The following SPEN variants were observed in gnomAD, a reference collection of about 807,000 sequenced individuals.
SPEN encodes msx2-interacting protein.
SPEN carries 18 observed loss-of-function variants against 269.9 expected under a neutral mutation model. The ratio of observed to expected loss-of-function variants is 0.07; its 90% confidence interval spans 0.05 to 0.10. The LOEUF is 0.10. SPEN is among the 10% of genes least tolerant of loss of function. The pLI is 1.00. For missense variants in SPEN, 3,822 were observed against 4,631.2 expected (o/e 0.83, Z 5.07); for synonymous variants, 1,726 against 1,765.7 (o/e 0.98, Z 0.56).
At chr1:15,864,816 A>G (rs1480094048) in intron 1 of SPEN, among the ~76,000 whole-genome samples, 3 of 150,504 alleles carry the variant, frequency 2.0e-5, no homozygotes, top group Non-Finnish European at 3.0e-5. Context: ...AGCTAGGACT[A>G]CTACTAAGTG....
chr1:15,897,396 CT>C (rs1452471414), intron 3 of SPEN, among the ~76,000 whole-genome samples: 3 of 149,110 alleles, frequency 2.0e-5, no homozygotes, highest in Non-Finnish European at 4.4e-5. Flanking sequence ...GAGTTTCGCT[CT>C]TGTTGCCCAG....
Position 15,929,195 on chromosome 1 carries a change from A to G in SPEN, c.2955A>G (p.Lys985=), listed in dbSNP as rs1278865400. ...AVDLEKLEAR[K]RRFADSNLKA... is the part of the protein sequence containing the mutation. The stretch of plus-strand genomic sequence containing the variant: ...ATCTGGAGAAGCTGGAAGCCAGGAA[A>G]AGGCGCTTTGCAGATTCCAATTTAA... The change falls in exon 11 of 15, where the codon AAA becomes AAG. Residue 985 remains lysine, a synonymous_variant. Transcript: ENST00000375759. This position sits in a 1 kb window ranked among gnomAD's most constrained non-coding sequence, Gnocchi z 5.8. The G allele has an allele frequency of 6.2e-7, 1 of 1,614,218 alleles. No homozygotes were observed. The highest frequency in any genetic ancestry group is 8.5e-7 in the Non-Finnish European group (1 of 1,180,038).
chr1:15,877,190 T>C (rs1352541633), intron 3 of SPEN, among the ~76,000 whole-genome samples: 3 of 152,184 alleles, frequency 2.0e-5, no homozygotes, highest in Non-Finnish European at 4.4e-5. Flanking sequence ...TAAACTCAAG[T>C]AGAAAAGCTT....
intron 1 of SPEN, among the ~76,000 whole-genome samples, chr1:15,862,036 C>T (rs976974894): frequency 6.6e-5 from 10 of 151,948 alleles, no homozygotes; most frequent in African/African-American, 9.7e-5. Flanking sequence ...AGTGAGACTC[C>T]GTCTCAAAAA....
At chr1:15,865,650 T>A (rs527524485) in intron 1 of SPEN, among the ~76,000 whole-genome samples, 1 of 152,088 alleles carries the variant, frequency 6.6e-6, no homozygotes, top group South Asian at 2.1e-4. Context: ...GGTCTCAAAC[T>A]CCTCACCTCA....
rs1485197886 is a variant in SPEN, at chr1:15,848,206, C to T, written c.83+56C>T. Reference sequence around the variant, plus strand: ...GCTCCTCGGGCGCCGCTTCCCGCCCCGGCCCGTTGCCGGCCCCTCCCGGAG... The same window carrying T: ...GCTCCTCGGGCGCCGCTTCCCGCCCTGGCCCGTTGCCGGCCCCTCCCGGAG... On this transcript the variant is annotated intron_variant, in intron 1 of 14. Transcript: ENST00000375759. The surrounding 1 kb of genome is among the most constrained non-coding windows in gnomAD (Gnocchi z 5.1). 45 of 1,291,108 alleles carry T rather than the reference C, an allele frequency of 3.5e-5. No homozygotes were observed. The highest frequency in any genetic ancestry group is 4.5e-5 in the Non-Finnish European group (43 of 961,044). 80.0% of individuals were successfully genotyped at this position (1,291,108 alleles called of 1,614,324 possible).
Position 15,932,681 on chromosome 1 carries a change from A to C in SPEN, c.6441A>C (p.Glu2147Asp), listed in dbSNP as rs941061063. Reference sequence around the variant, plus strand: ...GTGATCCAGTTGATCCAGACAAGGAACCAGAGAAAGAAGACGTGTCTGCCT... The same window carrying C: ...GTGATCCAGTTGATCCAGACAAGGACCCAGAGAAAGAAGACGTGTCTGCCT... ...LKSDPVDPDKEPEKEDVSASG... is the reference protein window; with the variant it reads ...LKSDPVDPDKDPEKEDVSASG... Residue 2147 changes from glutamate (E) to aspartate (D), a missense_variant, in exon 11 of 15, where the codon GAA (glutamate) becomes GAC (aspartate). Glu to Asp is a conservative substitution (Grantham distance 45). Around this residue, in one of 16 missense-constraint regions of SPEN, gnomAD observed 727 missense variants for 737.9 expected, o/e 0.99. Transcript: ENST00000375759. This position sits in a 1 kb window ranked among gnomAD's most constrained non-coding sequence, Gnocchi z 4.2. The C allele has an allele frequency of 1.9e-6, 3 of 1,614,132 alleles. No homozygotes were observed. Among genetic ancestry groups the C allele is most frequent in the South Asian group, 1.1e-5 (1 of 91,088 alleles).
Position 15,848,273 on chromosome 1 carries a change from G to A in SPEN, c.83+123G>A. On this transcript the variant is annotated intron_variant, in intron 1 of 14. Coordinates refer to ENST00000375759, the MANE Select transcript of SPEN (RefSeq NM_015001.3). This position sits in a 1 kb window ranked among gnomAD's most constrained non-coding sequence, Gnocchi z 5.1. The stretch of plus-strand genomic sequence containing the variant: ...AGGACTCCGGCCCGGACCCACGGGC[G>A]CTGTGGGACCTCGTCAGCCGCTCGG... 2 of 531,390 alleles carry A rather than the reference G, an allele frequency of 3.8e-6. No homozygotes were observed. Among genetic ancestry groups the A allele is most frequent in the East Asian group, 4.1e-5 (1 of 24,348 alleles). The allele number at this position is 531,390 out of a possible 1,614,324, so 32.9% of individuals were successfully genotyped here. A position where few individuals can be genotyped will look rare whatever the true frequency, so the allele number is the denominator to read the frequency against.
At chr1:15,855,450 G>A (rs2070376637) in intron 1 of SPEN, among the ~76,000 whole-genome samples, 1 of 151,740 alleles carries the variant, frequency 6.6e-6, no homozygotes, top group African/African-American at 2.4e-5. Flanking sequence ...TGGGGCTTAT[G>A]TACTCAAAAA....
chr1:15,913,317 T>G (rs1372758253), intron 5 of SPEN, among the ~76,000 whole-genome samples: 1 of 152,186 alleles, frequency 6.6e-6, no homozygotes, highest in Non-Finnish European at 1.5e-5. Flanking sequence ...CAAGAAGTTT[T>G]TTCCCAAAGG....
At chr1:15,873,363 T>C in intron 2 of SPEN, 1 of 1,236,510 alleles carries the variant, frequency 8.1e-7, no homozygotes, top group Non-Finnish European at 1.0e-6. Context: ...TATAATGTGA[T>C]GGAAGATTTC....
chr1:15,859,358 CTT>C (rs143092339), intron 1 of SPEN, among the ~76,000 whole-genome samples: 4 of 115,590 alleles, frequency 3.5e-5, no homozygotes, highest in Non-Finnish European at 5.2e-5. Context: ...TTTTTCTTTT[CTT>C]TTTTTTTTTT....
At chr1:15,868,415 A>G (rs1442257253) in intron 1 of SPEN, among the ~76,000 whole-genome samples, 1 of 150,976 alleles carries the variant, frequency 6.6e-6, no homozygotes, top group East Asian at 2.0e-4. Flanking sequence ...TATATTTTTG[A>G]TATGTCTTTA....
At chr1:15,870,974 A>G (rs1051876956) in intron 1 of SPEN, among the ~76,000 whole-genome samples, 5 of 152,168 alleles carry the variant, frequency 3.3e-5, no homozygotes, top group Non-Finnish European at 7.4e-5. Flanking sequence ...TTAAGCTCCT[A>G]GAACAATGCC....
chr1:15,915,668 G>A (rs953895929), intron 5 of SPEN, among the ~76,000 whole-genome samples: 1 of 152,028 alleles, frequency 6.6e-6, no homozygotes, highest in African/African-American at 2.4e-5. Flanking sequence ...CCAAATAGCT[G>A]AGAATACAGG....
intron 5 of SPEN, 122 bp downstream of exon 5, chr1:15,911,423 T>C: frequency 1.4e-6 from 1 of 736,594 alleles, no homozygotes; most frequent in East Asian, 2.7e-5. Context: ...TATTGACATA[T>C]TTCCATTGTC....
In SPEN at chr1:15,939,229, C is replaced by T; in HGVS notation, c.10864-67C>T. On this transcript the variant is annotated intron_variant, in intron 14 of 14. Transcript: ENST00000375759. The surrounding 1 kb of genome is among the most constrained non-coding windows in gnomAD (Gnocchi z 4.1). ...TTAGCATTGGGCCTCTTCAGGGCTC[C>T]CCAATGGAAGTGGAGTTGTGGGGGT... 1 of 1,490,450 alleles carries T rather than the reference C, an allele frequency of 6.7e-7. No homozygotes were observed. Among genetic ancestry groups the T allele is most frequent in the Non-Finnish European group, 8.9e-7 (1 of 1,117,578 alleles). 92.3% of individuals were successfully genotyped at this position (1,490,450 alleles called of 1,614,324 possible). A position where few individuals can be genotyped will look rare whatever the true frequency, so the allele number is the denominator to read the frequency against.
chr1:15,926,412 C>CAT (rs917671906), intron 10 of SPEN, among the ~76,000 whole-genome samples: 31 of 149,270 alleles, frequency 2.1e-4, no homozygotes, highest in South Asian at 4.2e-4. Context: ...CACACACACA[C>CAT]ATTTATAAAT....
rs567379869 is a variant in SPEN at position 15,929,200 on chromosome 1, G to A, written c.2960G>A (p.Arg987His). Residue 987 changes from arginine (R) to histidine (H), a missense_variant, in exon 11 of 15, where the codon CGC becomes CAC. By Grantham distance (29) the Arg-to-His change is conservative (BLOSUM62 0). Transcript: ENST00000375759. The surrounding 1 kb of genome is among the most constrained non-coding windows in gnomAD (Gnocchi z 5.8). Reference sequence around the variant, plus strand: ...GAGAAGCTGGAAGCCAGGAAAAGGCGCTTTGCAGATTCCAATTTAAAAGCA... The same window carrying A: ...GAGAAGCTGGAAGCCAGGAAAAGGCACTTTGCAGATTCCAATTTAAAAGCA... ...DLEKLEARKR[R>H]FADSNLKAEK... 1.8e-5 allele frequency: 29 copies of A among 1,614,054 alleles called. No individual in the cohort carries two copies. Among genetic ancestry groups the A allele is most frequent in the Non-Finnish European group, 2.4e-5 (28 of 1,180,038 alleles).
Sources: allele counts gnomAD v4.1 joint callset (sites outside exome capture counted in the v4.1 genomes callset), GRCh38; gene constraint gnomAD v4.1.1; regional missense constraint gnomAD v4.1.1; non-coding constraint Gnocchi (gnomAD v3.1); transcripts MANE v1.5; gene names NCBI Gene and HGNC (gene_info 2026-07-23, HGNC 2026-07-21).